Variants in ETV6 observed in about 807,000 individuals in gnomAD.
ETV6 encodes the protein transcription factor ETV6.
In ETV6, 16 loss-of-function variants were observed where a neutral mutation model predicts 51.1. That is an observed-to-expected ratio of 0.31 (90% confidence interval 0.21 to 0.48). The LOEUF (loss-of-function observed/expected upper bound fraction) is 0.48. ETV6 is among the 20% of genes least tolerant of loss of function. The pLI is 0.99. For synonymous variants in ETV6, 240 were observed against 224.1 expected (o/e 1.07, Z -0.64); for missense variants, 458 against 594.8 (o/e 0.77, Z 2.39).
intron 2 of ETV6, among the ~76,000 whole-genome samples, chr12:11,813,827 C>T (rs1052498026): frequency 1.3e-5 from 2 of 152,182 alleles, no homozygotes; most frequent in South Asian, 2.1e-4. Context: ...CTGTGTGGTT[C>T]GAGGCCAGGG....
intron 2 of ETV6, among the ~76,000 whole-genome samples, chr12:11,827,068 T>TCACA (rs1491232978): frequency 7.0e-5 from 7 of 100,420 alleles, no homozygotes; most frequent in African/African-American, 2.6e-4. Context: ...GAGAAGTCTG[T>TCACA]CTCACACACA....
intron 2 of ETV6, among the ~76,000 whole-genome samples, chr12:11,798,191 T>C (rs1312189399): frequency 6.6e-6 from 1 of 152,116 alleles, no homozygotes; most frequent in African/African-American, 2.4e-5. Context: ...CGTAGGGTGA[T>C]TGGAGTGTGT....
chr12:11,860,192 T>C (rs1324505151), intron 4 of ETV6, among the ~76,000 whole-genome samples: 1 of 152,168 alleles, frequency 6.6e-6, no homozygotes, highest in Non-Finnish European at 1.5e-5. Context: ...ACGCATTCTT[T>C]AGCTGCTCAA....
chr12:11,733,999 A>T (rs1368889559), intron 1 of ETV6, among the ~76,000 whole-genome samples: 1 of 152,220 alleles, frequency 6.6e-6, no homozygotes, highest in Non-Finnish European at 1.5e-5. Flanking sequence ...ATTACCTTGA[A>T]TTATTCCTCC....
At chr12:11,840,302 A>C (rs1022253865) in intron 3 of ETV6, among the ~76,000 whole-genome samples, 2 of 152,184 alleles carry the variant, frequency 1.3e-5, no homozygotes, top group South Asian at 4.1e-4. Context: ...GGCTTCAAAG[A>C]TTTGTCTCAG....
chr12:11,712,965 C>T (rs1865201034), intron 1 of ETV6, among the ~76,000 whole-genome samples: 2 of 152,152 alleles, frequency 1.3e-5, no homozygotes, highest in Admixed American at 1.3e-4. Flanking sequence ...CCTTCTCTCT[C>T]CTCACTGTTA....
At chr12:11,799,581 G>A (rs1945719282) in intron 2 of ETV6, among the ~76,000 whole-genome samples, 1 of 151,990 alleles carries the variant, frequency 6.6e-6, no homozygotes, top group Non-Finnish European at 1.5e-5. Flanking sequence ...GAACTGTTAC[G>A]AAAAAAGAGG....
At chr12:11,881,522 T>TTCTGGTTCATAGACAGCACCTTCTTG (rs1947093444) in intron 5 of ETV6, among the ~76,000 whole-genome samples, 2 of 152,248 alleles carry the variant, frequency 1.3e-5, no homozygotes, top group Admixed American at 6.5e-5. Context: ...AGGGCCCACT[T>TTCTGGTTCATAGACAGCACCTTCTTG]TCTGGTTCAT....
chr12:11,892,821 G>A lies in ETV6; in HGVS notation c.*1775G>A, dbSNP rs1947315787. The A allele has an allele frequency of 4.3e-6, 1 of 232,922 alleles. No individual in the cohort carries two copies. Among genetic ancestry groups the A allele is most frequent in the Non-Finnish European group, 8.5e-6 (1 of 117,920 alleles). 14.4% of individuals were successfully genotyped at this position (232,922 alleles called of 1,614,324 possible). A position where few individuals can be genotyped will look rare whatever the true frequency, so the allele number is the denominator to read the frequency against. On this transcript the variant is annotated 3_prime_UTR_variant, in exon 8 of 8. Coordinates refer to ENST00000396373, the MANE Select transcript of ETV6 (RefSeq NM_001987.5). ...AGAGGAATTTTCCCTCGGCCTTACT[G>A]ACAAGGACACCAACCTAGGGTGCAA... is the stretch of plus-strand genomic sequence containing the variant.
At position 11,823,124 on chromosome 12, in the gene ETV6, C is replaced by T. The variant is rs185562643; in HGVS notation, c.164-16016C>T. ...CCAACCGCACCTGTAGGGCCTCTGGCGTTCACACACCTCATTGGTTTTGTG... is the reference window on the plus strand; with the variant it reads ...CCAACCGCACCTGTAGGGCCTCTGGTGTTCACACACCTCATTGGTTTTGTG... On this transcript the variant is annotated intron_variant, in intron 2 of 7. Transcript: ENST00000396373. 1.4e-4 allele frequency among the ~76,000 whole-genome samples: 21 copies of T among 152,268 alleles called. 1 individual carries two copies. Among genetic ancestry groups the T allele is most frequent in the Admixed American group, 1.4e-3 (21 of 15,294 alleles).
intron 2 of ETV6, among the ~76,000 whole-genome samples, chr12:11,809,179 AT>A (rs1945874392): frequency 1.4e-5 from 2 of 146,692 alleles, no homozygotes; most frequent in Non-Finnish European, 3.0e-5. Flanking sequence ...AAAAAAAAAG[AT>A]AGGAAGTGAG....
intron 2 of ETV6, among the ~76,000 whole-genome samples, chr12:11,778,228 A>G (rs1222417385): frequency 1.3e-5 from 2 of 152,344 alleles, no homozygotes; most frequent in African/African-American, 4.8e-5. Context: ...CTGCTTATGA[A>G]GGGCCCTGTC....
At chr12:11,679,574 G>GTTGAATGGTC (rs1454008736) in intron 1 of ETV6, among the ~76,000 whole-genome samples, 1 of 152,204 alleles carries the variant, frequency 6.6e-6, no homozygotes, top group Non-Finnish European at 1.5e-5. Context: ...CACAAAGCAT[G>GTTGAATGGTC]TTGAATGGTC....
At chr12:11,775,707 A>G (rs1318669201) in intron 2 of ETV6, among the ~76,000 whole-genome samples, 1 of 152,176 alleles carries the variant, frequency 6.6e-6, no homozygotes, top group Non-Finnish European at 1.5e-5. Context: ...GTCCACATTT[A>G]TAAGTTTTCC....
At chr12:11,670,111 G>A (rs977163859) in intron 1 of ETV6, among the ~76,000 whole-genome samples, 1 of 151,098 alleles carries the variant, frequency 6.6e-6, no homozygotes, top group African/African-American at 2.5e-5. Flanking sequence ...TTGTTCTTCG[G>A]GGATACACTG....
intron 5 of ETV6, among the ~76,000 whole-genome samples, chr12:11,883,312 G>C (rs1225828259): frequency 3.5e-5 from 1 of 28,326 alleles, no homozygotes; most frequent in African/African-American, 2.4e-4. Context: ...TTTTTTTTTT[G>C]AGACTGAGTC....
At position 11,792,146 on chromosome 12, in the gene ETV6, G is replaced by A. The variant is rs141700602; in HGVS notation, c.163+39567G>A. ...GAACACCTGGAAACCAAGGCACTATGCTGGGCCCTCCTTCTGTACAGAACA... is the reference window on the plus strand; with the variant it reads ...GAACACCTGGAAACCAAGGCACTATACTGGGCCCTCCTTCTGTACAGAACA... On this transcript the variant is annotated intron_variant, in intron 2 of 7. Coordinates refer to ENST00000396373, the MANE Select transcript of ETV6 (RefSeq NM_001987.5). 6.6e-5 allele frequency among the ~76,000 whole-genome samples: 10 copies of A among 152,306 alleles called. No individual in the cohort carries two copies. The East Asian group carries it at 1.5e-3, about 23-fold the overall frequency.
intron 4 of ETV6, among the ~76,000 whole-genome samples, chr12:11,859,023 C>T (rs1946672415): frequency 6.6e-6 from 1 of 151,472 alleles, no homozygotes; most frequent in East Asian, 1.9e-4. Flanking sequence ...CCTCCTGCCC[C>T]ACCACCAAAC....
At chr12:11,781,477 T>TGGA (rs949478760) in intron 2 of ETV6, among the ~76,000 whole-genome samples, 1 of 152,278 alleles carries the variant, frequency 6.6e-6, no homozygotes, top group Non-Finnish European at 1.5e-5. Flanking sequence ...GACAGAACTT[T>TGGA]GGAATCAGAT....
Sources: allele counts gnomAD v4.1 joint callset (sites outside exome capture counted in the v4.1 genomes callset), GRCh38; gene constraint gnomAD v4.1.1; transcripts MANE v1.5; gene names NCBI Gene and HGNC (gene_info 2026-07-23, HGNC 2026-07-21).